The following DENND5B variants were observed in gnomAD, a reference collection of about 807,000 sequenced individuals.
The protein encoded by DENND5B is DENN domain-containing protein 5B.
Under a neutral mutation model 140.6 loss-of-function variants are expected in DENND5B, and 34 were observed. The observed-to-expected ratio is 0.24, with a 90% CI of 0.18 to 0.32. The LOEUF (loss-of-function observed/expected upper bound fraction) is 0.32. DENND5B is among the 10% of genes least tolerant of loss of function. The pLI, the probability that DENND5B is intolerant of heterozygous loss-of-function variation, is 1.00. For missense variants in DENND5B, 1,142 were observed against 1,560.2 expected, an observed-to-expected ratio of 0.73 and a Z score of 4.52; for synonymous variants, 551 against 562.1, an observed-to-expected ratio of 0.98 and a Z score of 0.28.
In DENND5B at chr12:31,401,816, C is replaced by A. The variant is rs139428845; in HGVS notation, c.2949+682G>T. Among the ~76,000 whole-genome samples the A allele has an allele frequency of 1.3e-3, 197 of 152,096 alleles. 1 individual carries two copies. Among genetic ancestry groups the A allele is most frequent in the African/African-American group, 4.7e-3 (193 of 41,500 alleles). ...TTTGTATTTTTTGTAGAGATGGAGT[C>A]TCACCATGTTGCCCAGGCTGGTCGT... On this transcript the variant is annotated intron_variant, in intron 15 of 20. Transcript: ENST00000389082.
rs771252826 is a variant in DENND5B at position 31,452,108 on chromosome 12, A to G, written c.1461T>C (p.His487=). The part of the protein sequence containing the change: ...LGEKDKDLKL[H]CEEAELRDYQ... Reference sequence around the variant, plus strand: ...AGTCCCTTAGTTCTGCCTCTTCACAATGCAGTTTTAAATCCTTGTCTTTTT... The same window carrying G: ...AGTCCCTTAGTTCTGCCTCTTCACAGTGCAGTTTTAAATCCTTGTCTTTTT... The change falls in exon 5 of 21, where the codon CAT becomes CAC. Residue 487 remains histidine (H), a synonymous_variant. Coordinates refer to ENST00000389082, the MANE Select transcript of DENND5B (RefSeq NM_144973.4). The G allele has an allele frequency of 4.3e-6, 7 of 1,613,844 alleles. No individual in the cohort carries two copies. Among genetic ancestry groups the G allele is most frequent in the Non-Finnish European group, 5.9e-6 (7 of 1,179,882 alleles).
chr12:31,399,729 T>A lies in DENND5B; in HGVS notation c.2993A>T (p.Asp998Val). 1 of 1,614,002 alleles carries A rather than the reference T, an allele frequency of 6.2e-7. No homozygotes were observed. The highest frequency in any genetic ancestry group is 8.5e-7 in the Non-Finnish European group (1 of 1,179,938). The stretch of plus-strand genomic sequence containing the variant: ...CCATTTGGCTAACAGTCCTGAGTTA[T>A]CGTGACCAATCTGAACAGTGGTCAG... ...GKLTTVQIGH[D>V]NSGLLAKWLV... The change falls in exon 16 of 21, where the codon GAT becomes GTT. Residue 998 changes from aspartate (D) to valine (V), a missense_variant. By Grantham distance (152) the Asp-to-Val change is radical (BLOSUM62 -3). This residue lies in a region of DENND5B where 268 missense variants were observed against 349.2 expected (regional missense o/e 0.77). Transcript: ENST00000389082.
chr12:31,404,759 C>CTTTTTTTTTTTTTTTTTTTTTTTT lies in DENND5B; in HGVS notation c.2804-2117_2804-2116insAAAAAAAAAAAAAAAAAAAAAAAA, dbSNP rs71062425. Among the ~76,000 whole-genome samples the CTTTTTTTTTTTTTTTTTTTTTTTT allele has an allele frequency of 2.7e-5, 2 of 74,064 alleles. 1 individual carries two copies. The allele number at this position is 74,064 out of a possible 152,430, so 48.6% of individuals were successfully genotyped here. A position where few individuals can be genotyped will look rare whatever the true frequency, so the allele number is the denominator to read the frequency against. ...ATAAGCCACCGCGTCCGACCTCTAG[C>CTTTTTTTTTTTTTTTTTTTTTTTT]TTTTTTTTTTTTTTTTTGAGACAGA... On this transcript the variant is annotated intron_variant, in intron 14 of 20. Coordinates refer to ENST00000389082, the MANE Select transcript of DENND5B (RefSeq NM_144973.4).
intron 1 of DENND5B, among the ~76,000 whole-genome samples, chr12:31,585,856 G>A (rs1255969420): frequency 6.6e-6 from 1 of 152,206 alleles, no homozygotes; most frequent in Non-Finnish European, 1.5e-5. Context: ...TTCTATGGCA[G>A]AGATCTCATC....
chr12:31,401,778 T>C (rs1941807873), intron 15 of DENND5B, among the ~76,000 whole-genome samples: 1 of 152,046 alleles, frequency 6.6e-6, no homozygotes, highest in African/African-American at 2.4e-5. Context: ...CATGCCACCA[T>C]GCCCAGCTAA....
chr12:31,555,669 C>A (rs1949252135), intron 1 of DENND5B, among the ~76,000 whole-genome samples: 1 of 152,248 alleles, frequency 6.6e-6, no homozygotes, highest in East Asian at 1.9e-4. Context: ...CAGATGCAGG[C>A]AGGCCTCCTT....
intron 1 of DENND5B, among the ~76,000 whole-genome samples, chr12:31,551,972 G>C (rs375628126): frequency 1.3e-5 from 2 of 152,128 alleles, no homozygotes; most frequent in Admixed American, 6.6e-5. Flanking sequence ...GGGCTGAGAC[G>C]ATGGGGTTTT....
intron 7 of DENND5B, among the ~76,000 whole-genome samples, chr12:31,440,879 G>A (rs1468432676): frequency 2.0e-5 from 3 of 152,136 alleles, no homozygotes; most frequent in Non-Finnish European, 4.4e-5. Context: ...GGCATGACAG[G>A]CATGCACCAC....
intron 4 of DENND5B, among the ~76,000 whole-genome samples, chr12:31,455,541 G>A (rs1420745207): frequency 1.3e-5 from 2 of 151,866 alleles, no homozygotes; most frequent in East Asian, 3.9e-4. Flanking sequence ...TCTATAATAG[G>A]GCATTCTGAT....
chr12:31,395,652 C>A (rs1565537535), intron 17 of DENND5B, among the ~76,000 whole-genome samples: 2 of 152,054 alleles, frequency 1.3e-5, no homozygotes, highest in African/African-American at 4.8e-5. Flanking sequence ...AATACACAAT[C>A]ATGTGCTAGC....
At chr12:31,490,333 T>C (rs1307785804) in intron 2 of DENND5B, among the ~76,000 whole-genome samples, 1 of 152,118 alleles carries the variant, frequency 6.6e-6, no homozygotes, top group African/African-American at 2.4e-5. Context: ...GAGATATGGC[T>C]AGGCATCGTG....
Position 31,590,766 on chromosome 12 carries a change from G to C in DENND5B, c.67C>G (p.His23Asp), listed in dbSNP as rs1374903312. The stretch of plus-strand genomic sequence containing the variant: ...TCGATCCCGCACAGCACGAAGTAGT[G>C]CGCGAAGCGGCAGGCGGCCGGGGAG... ...GSSPAACRFA[H>D]YFVLCGIDAD... Residue 23 changes from histidine to aspartate, a missense_variant, in exon 1 of 21, where the codon CAC becomes GAC. By Grantham distance (81) the His-to-Asp change is moderately conservative. Coordinates refer to ENST00000389082, the MANE Select transcript of DENND5B (RefSeq NM_144973.4). The C allele has an allele frequency of 7.2e-7, 1 of 1,395,134 alleles. No individual in the cohort carries two copies. The highest frequency in any genetic ancestry group is 9.3e-7 in the Non-Finnish European group (1 of 1,073,732). The allele number at this position is 1,395,134 out of a possible 1,614,324, so 86.4% of individuals were successfully genotyped here.
intron 1 of DENND5B, among the ~76,000 whole-genome samples, chr12:31,501,375 G>A (rs1303027490): frequency 6.6e-6 from 1 of 152,204 alleles, no homozygotes; most frequent in African/African-American, 2.4e-5. Context: ...ATGGAACTGT[G>A]AGTCAATTCA....
chr12:31,403,389 T>C (rs3926418), intron 14 of DENND5B, among the ~76,000 whole-genome samples: 65 of 123,448 alleles, frequency 5.3e-4, no homozygotes, highest in Admixed American at 2.3e-3. Flanking sequence ...TCTTTTTTTT[T>C]CTTTTTTTTT....
intron 1 of DENND5B, among the ~76,000 whole-genome samples, chr12:31,559,710 T>C (rs572891069): frequency 6.6e-6 from 1 of 151,222 alleles, no homozygotes; most frequent in South Asian, 2.1e-4. Context: ...AATAAAATAG[T>C]GAAAGAAGAA....
chr12:31,570,317 C>G (rs532697869), intron 1 of DENND5B, among the ~76,000 whole-genome samples: 4 of 150,108 alleles, frequency 2.7e-5, no homozygotes, highest in Non-Finnish European at 5.9e-5. Flanking sequence ...CACTCTGTTG[C>G]CCAGGCTGGA....
At chr12:31,482,872 C>A (rs1440182785) in intron 2 of DENND5B, among the ~76,000 whole-genome samples, 1 of 152,182 alleles carries the variant, frequency 6.6e-6, no homozygotes, top group Non-Finnish European at 1.5e-5. Flanking sequence ...GTCACTCTTG[C>A]CAAAATTCTC....
At chr12:31,455,230 CCTA>C (rs1262695596) in intron 4 of DENND5B, among the ~76,000 whole-genome samples, 14 of 152,168 alleles carry the variant, frequency 9.2e-5, no homozygotes, top group African/African-American at 3.1e-4. Context: ...CTAATGCCTT[CCTA>C]CTACCTTTTT....
intron 13 of DENND5B, 72 bp from the exon 14 acceptor site, chr12:31,409,456 A>G: frequency 9.8e-7 from 1 of 1,015,572 alleles, no homozygotes; most frequent in Non-Finnish European, 1.3e-6. Context: ...CAGTAGTATC[A>G]TGTACTTTTC....
Sources: allele counts gnomAD v4.1 joint callset (sites outside exome capture counted in the v4.1 genomes callset), GRCh38; gene constraint gnomAD v4.1.1; regional missense constraint gnomAD v4.1.1; transcripts MANE v1.5; gene names NCBI Gene and HGNC (gene_info 2026-07-23, HGNC 2026-07-21).